The following ASB3 variants were observed in gnomAD, a reference collection of about 807,000 sequenced individuals.
ASB3 encodes ankyrin repeat and SOCS box protein 3.
Under a neutral mutation model 54.5 loss-of-function variants are expected in ASB3, and 41 were observed. The observed-to-expected ratio is 0.75, with a 90% CI of 0.59 to 0.98. The LOEUF is 0.98. ASB3 is among the 50% of genes least tolerant of loss of function. The pLI, the probability that ASB3 is intolerant of heterozygous loss-of-function variation, is 0.00. For synonymous variants in ASB3, 266 were observed against 221.2 expected, an observed-to-expected ratio of 1.20 and a Z score of -1.80; for missense variants, 733 against 620.0, an observed-to-expected ratio of 1.18 and a Z score of -1.94.
intron 7 of ASB3, among the ~76,000 whole-genome samples, chr2:53,701,813 C>T (rs1203234996): frequency 6.6e-6 from 1 of 151,974 alleles, no homozygotes; most frequent in Non-Finnish European, 1.5e-5. Flanking sequence ...AAAAAGCAAA[C>T]AAAAGTATAA....
At chr2:53,682,159 CAA>C (rs773098555) in intron 9 of ASB3, among the ~76,000 whole-genome samples, 14 of 77,046 alleles carry the variant, frequency 1.8e-4, no homozygotes, top group Admixed American at 1.4e-4. Flanking sequence ...GACTCCGTCT[CAA>C]AAAAAAAAAA....
intron 3 of ASB3, among the ~76,000 whole-genome samples, chr2:53,734,896 T>G (rs959373197): frequency 4.0e-5 from 6 of 151,830 alleles, no homozygotes; most frequent in Admixed American, 1.3e-4. Flanking sequence ...TATTTATTTT[T>G]TTATTCCTTT....
chr2:53,731,184 G>A (rs376405520), intron 3 of ASB3, among the ~76,000 whole-genome samples: 9 of 152,140 alleles, frequency 5.9e-5, no homozygotes, highest in Admixed American at 2.6e-4. Flanking sequence ...GGTGGACCAC[G>A]AGTTCAGGAG....
intron 1 of ASB3, among the ~76,000 whole-genome samples, chr2:53,777,520 T>C (rs1674406812): frequency 6.6e-6 from 1 of 152,246 alleles, no homozygotes; most frequent in Admixed American, 6.5e-5. Context: ...ATCTCCAGCC[T>C]ACTCTCTCAA....
chr2:53,742,865 A>G (rs1027123776), intron 3 of ASB3, among the ~76,000 whole-genome samples: 55 of 152,202 alleles, frequency 3.6e-4, no homozygotes, highest in Non-Finnish European at 2.9e-4. Flanking sequence ...TAATAACAGA[A>G]CAGACAAATA....
intron 2 of ASB3, among the ~76,000 whole-genome samples, chr2:53,753,405 A>G (rs1226368872): frequency 2.6e-5 from 4 of 152,170 alleles, no homozygotes; most frequent in Non-Finnish European, 5.9e-5. Flanking sequence ...ACATATAAGG[A>G]AAGAGGGAAG....
At chr2:53,700,664 A>G (rs1669439086) in intron 7 of ASB3, 136 bp from the exon 8 acceptor site, 1 of 1,262,604 alleles carries the variant, frequency 7.9e-7, no homozygotes, top group African/African-American at 1.5e-5. Context: ...CTACACATCT[A>G]GTGGATTGAG....
At chr2:53,765,328 T>C (rs1673379056) in intron 2 of ASB3, 49 bp downstream of exon 2, 2 of 1,609,854 alleles carry the variant, frequency 1.2e-6, no homozygotes, top group African/African-American at 2.7e-5. Flanking sequence ...TTTTATGTTT[T>C]ATTAATCCAG....
intron 8 of ASB3, among the ~76,000 whole-genome samples, chr2:53,700,063 C>T (rs1371515491): frequency 6.6e-6 from 1 of 152,058 alleles, no homozygotes; most frequent in African/African-American, 2.4e-5. Context: ...CCCCTCATAC[C>T]TCCTTCCAGT....
intron 9 of ASB3, among the ~76,000 whole-genome samples, chr2:53,687,253 TAAAAAAAAAACA>T (rs1668678911): frequency 6.9e-6 from 1 of 145,892 alleles, no homozygotes; most frequent in African/African-American, 2.5e-5. Flanking sequence ...AATTTCTCGC[TAAAAAAAAAACA>T]AAAACAAAAA....
In ASB3 at chr2:53,700,335, T is replaced by C; in HGVS notation, c.1174A>G (p.Lys392Glu). 1 of 1,614,140 alleles carries C rather than the reference T, an allele frequency of 6.2e-7. No homozygotes were observed. The highest frequency in any genetic ancestry group is 8.5e-7 in the Non-Finnish European group (1 of 1,180,014). The change falls in exon 8 of 10, where the codon AAG (lysine) becomes GAG (glutamate). Residue 392 changes from lysine to glutamate, a missense_variant. Transcript: ENST00000263634. The stretch of plus-strand genomic sequence containing the variant: ...ACCAGAAGATGTGGCAACCACTCCT[T>C]ATATTTTGCTTGTGCTTTAATTGCA... ...NHAIKAQAKYKEWLPHLLVAG... is the reference protein window; with the variant it reads ...NHAIKAQAKYEEWLPHLLVAG...
chr2:53,702,901 A>T (rs965566217), intron 7 of ASB3, among the ~76,000 whole-genome samples: 4 of 152,256 alleles, frequency 2.6e-5, no homozygotes, highest in Non-Finnish European at 4.4e-5. Context: ...GAATTATAAC[A>T]GGCCAAATAG....
At chr2:53,730,946 T>C (rs533566264) in intron 3 of ASB3, among the ~76,000 whole-genome samples, 9 of 152,140 alleles carry the variant, frequency 5.9e-5, no homozygotes, top group African/African-American at 1.7e-4. Context: ...CTAATACACA[T>C]GAAACAATGG....
intron 3 of ASB3, among the ~76,000 whole-genome samples, chr2:53,733,775 C>G (rs1263540770): frequency 6.6e-6 from 1 of 152,184 alleles, no homozygotes; most frequent in Non-Finnish European, 1.5e-5. Flanking sequence ...TAAAGACACA[C>G]ACAGAGAAAT....
chr2:53,706,444 C>G (rs1167047005), intron 7 of ASB3, among the ~76,000 whole-genome samples: 1 of 151,696 alleles, frequency 6.6e-6, no homozygotes, highest in Non-Finnish European at 1.5e-5. Flanking sequence ...CAAAAGGCAG[C>G]TTCTTTTTTT....
At chr2:53,678,991 C>A (rs565420238) in intron 9 of ASB3, among the ~76,000 whole-genome samples, 1 of 152,230 alleles carries the variant, frequency 6.6e-6, no homozygotes, top group East Asian at 1.9e-4. Context: ...TATTGCCACA[C>A]CCAATCTTTA....
chr2:53,687,635 A>T (rs1271546658), intron 9 of ASB3, among the ~76,000 whole-genome samples: 12 of 152,188 alleles, frequency 7.9e-5, no homozygotes, highest in Non-Finnish European at 1.5e-5. Flanking sequence ...CATATATTTT[A>T]AAAGGCCCAC....
At chr2:53,746,439 G>GTA (rs1672227438) in intron 3 of ASB3, among the ~76,000 whole-genome samples, 1 of 150,640 alleles carries the variant, frequency 6.6e-6, no homozygotes, top group Non-Finnish European at 1.5e-5. Flanking sequence ...CAACACTGAT[G>GTA]TATACATGCC....
intron 5 of ASB3, among the ~76,000 whole-genome samples, chr2:53,723,681 C>A (rs904138913): frequency 2.6e-5 from 4 of 152,144 alleles, no homozygotes; most frequent in African/African-American, 9.7e-5. Context: ...CAATTTCAAA[C>A]TCTACTTTAA....
Sources: allele counts gnomAD v4.1 joint callset (sites outside exome capture counted in the v4.1 genomes callset), GRCh38; gene constraint gnomAD v4.1.1; transcripts MANE v1.5; gene names NCBI Gene and HGNC (gene_info 2026-07-23, HGNC 2026-07-21).